Variants in UHMK1 observed in about 807,000 individuals in gnomAD.
UHMK1 encodes U2AF homology motif kinase 1.
UHMK1 carries 18 observed loss-of-function variants against 44.0 expected under a neutral mutation model. The observed-to-expected ratio is 0.41, with a 90% CI of 0.28 to 0.61. The LOEUF is 0.61. Ranked by LOEUF, UHMK1 falls within the 20% of genes least tolerant of loss-of-function variation. The probability of loss-of-function intolerance (pLI) is 0.31; values close to 1 mark genes in which losing one functional copy is unlikely to be tolerated. For missense variants in UHMK1, 463 were observed against 522.5 expected (o/e 0.89, Z 1.11); for synonymous variants, 231 against 198.5 (o/e 1.16, Z -1.38).
In UHMK1 at chr1:162,525,177, T is replaced by C. The variant is rs1245080959; in HGVS notation, c.*2627T>C. 6.6e-6 allele frequency: 1 copy of C among 152,202 alleles called. No homozygotes were observed. The highest frequency in any genetic ancestry group is 1.5e-5 in the Non-Finnish European group (1 of 68,034). 9.4% of individuals were successfully genotyped at this position (152,202 alleles called of 1,614,324 possible). ...ACATTAGCAGATTACCCCTCCCTCC[T>C]GTGATATTATCTTTCTTAAACCTGA... On this transcript the variant is annotated 3_prime_UTR_variant, in exon 8 of 8. Transcript: ENST00000489294.
upstream of UHMK1, chr1:162,497,281 G>T (rs1207010057): frequency 5.7e-6 from 4 of 702,704 alleles, no homozygotes; most frequent in African/African-American, 7.0e-5. Flanking sequence ...GGTCTGTGTT[G>T]ACCTTAACCG....
chr1:162,519,593 C>T (rs922213475), intron 7 of UHMK1, among the ~76,000 whole-genome samples: 5 of 152,040 alleles, frequency 3.3e-5, no homozygotes, highest in African/African-American at 7.2e-5. Flanking sequence ...CTGTTATCAC[C>T]GCATTTTCTT....
intron 4 of UHMK1, among the ~76,000 whole-genome samples, chr1:162,511,709 C>G (rs1019981451): frequency 6.6e-6 from 1 of 152,020 alleles, no homozygotes; most frequent in Admixed American, 6.6e-5. Flanking sequence ...TTGTTTTCTT[C>G]TAGTAGTTTT....
chr1:162,506,074 TAGTATC>T (rs1651457087), intron 4 of UHMK1, among the ~76,000 whole-genome samples: 1 of 152,234 alleles, frequency 6.6e-6, no homozygotes, highest in Non-Finnish European at 1.5e-5. Flanking sequence ...AAATAGCTGT[TAGTATC>T]TGATTGATAT....
At chr1:162,517,472 CAAAT>C (rs1165566364) in intron 6 of UHMK1, among the ~76,000 whole-genome samples, 5 of 151,810 alleles carry the variant, frequency 3.3e-5, no homozygotes, top group Non-Finnish European at 7.4e-5. Flanking sequence ...ACCATTAAAA[CAAAT>C]GAGAAAATTT....
chr1:162,519,071 C>T (rs959272916), intron 7 of UHMK1, among the ~76,000 whole-genome samples: 1 of 151,386 alleles, frequency 6.6e-6, no homozygotes, highest in South Asian at 2.1e-4. Flanking sequence ...AATCCTAGCA[C>T]TTTGGGAGGC....
chr1:162,510,599 A>T (rs1413731702), intron 4 of UHMK1, among the ~76,000 whole-genome samples: 1 of 150,402 alleles, frequency 6.6e-6, no homozygotes, highest in Non-Finnish European at 1.5e-5. Flanking sequence ...GTGTATATAT[A>T]TATCATATTT....
intron 4 of UHMK1, among the ~76,000 whole-genome samples, chr1:162,512,243 G>T (rs1427840542): frequency 6.6e-6 from 1 of 151,420 alleles, no homozygotes; most frequent in Admixed American, 6.6e-5. Flanking sequence ...CTGTTACAGA[G>T]TGTGGATCAC....
chr1:162,508,174 G>C (rs1318353462), intron 4 of UHMK1, among the ~76,000 whole-genome samples: 1 of 151,774 alleles, frequency 6.6e-6, no homozygotes, highest in Non-Finnish European at 1.5e-5. Flanking sequence ...GGAGTGCAGT[G>C]GCACAGTGCT....
chr1:162,507,069 G>A (rs79453712), intron 4 of UHMK1, among the ~76,000 whole-genome samples: 2,342 of 150,520 alleles, frequency 0.016, 20 homozygotes, highest in Non-Finnish European at 0.024. Context: ...TGTCCTCCTC[G>A]TCTACATACG....
intron 4 of UHMK1, among the ~76,000 whole-genome samples, chr1:162,512,218 C>T (rs1651692491): frequency 6.7e-6 from 1 of 150,366 alleles, no homozygotes; most frequent in South Asian, 2.1e-4. Flanking sequence ...AAATCTGTGT[C>T]TTTTTTGTCA....
intron 1 of UHMK1, 152 bp downstream of exon 1, chr1:162,498,420 A>C: frequency 1.0e-6 from 1 of 964,076 alleles, no homozygotes. Context: ...TTCCCCTTTC[A>C]CTTTATTACT....
At chr1:162,500,577 G>C in intron 2 of UHMK1, 1 of 396,280 alleles carries the variant, frequency 2.5e-6, no homozygotes. Context: ...TGTTGGGGCT[G>C]TATCTCGTGG....
intron 4 of UHMK1, 53 bp from the exon 5 acceptor site, chr1:162,512,447 G>A: frequency 7.0e-7 from 1 of 1,430,664 alleles, no homozygotes; most frequent in Non-Finnish European, 9.6e-7. Context: ...TTTAATGGTT[G>A]CATTTTCAAA....
In UHMK1 at chr1:162,512,568, T is replaced by C; in HGVS notation, c.917T>C (p.Ile306Thr). Residue 306 changes from isoleucine to threonine, a missense_variant, in exon 5 of 8, where the codon ATT becomes ACT. Ile to Thr is a moderately conservative substitution (Grantham distance 89). Transcript: ENST00000489294. ...GCATTGTGCAGCCCATTCTTTAGCATTCCTTTTGGTAAGTTGTGTATTCTT... is the reference window on the plus strand; with the variant it reads ...GCATTGTGCAGCCCATTCTTTAGCACTCCTTTTGGTAAGTTGTGTATTCTT... ...EMALCSPFFS[I>T]PFAPHIEDLV... 6.2e-7 allele frequency: 1 copy of C among 1,612,724 alleles called. No individual in the cohort carries two copies.
At position 162,522,446 on chromosome 1, in the gene UHMK1, C is replaced by T; in HGVS notation, c.1156C>T (p.Gln386Ter). ...AAATGCTGGTGATTCCAAAGCTGCG[C>T]AGAAATTACTGACTGGAAGGATGTT... is the stretch of plus-strand genomic sequence containing the variant. ...YANAGDSKAA[Q>*]KLLTGRMFDG... is the part of the protein sequence containing the mutation. Residue 386 changes from glutamine to a stop codon, truncating the protein, a stop_gained, in exon 8 of 8, where the codon CAG (glutamine) becomes TAG (stop). Transcript: ENST00000489294. LOFTEE classifies it high-confidence loss of function. 1.2e-6 allele frequency: 2 copies of T among 1,614,154 alleles called. No homozygotes were observed. Among genetic ancestry groups the T allele is most frequent in the Non-Finnish European group, 1.7e-6 (2 of 1,180,030 alleles).
intron 4 of UHMK1, among the ~76,000 whole-genome samples, chr1:162,505,665 G>A (rs545679828): frequency 1.3e-5 from 2 of 152,254 alleles, no homozygotes; most frequent in East Asian, 1.9e-4. Flanking sequence ...TGACCAAAAC[G>A]TCATTGTGCA....
intron 7 of UHMK1, among the ~76,000 whole-genome samples, chr1:162,518,696 A>AAG (rs1468090804): frequency 2.0e-5 from 3 of 148,464 alleles, no homozygotes; most frequent in Admixed American, 6.7e-5. Flanking sequence ...TCAAAAAAAA[A>AAG]AACTACTTTT....
chr1:162,513,949 T>C (rs1289314177), intron 6 of UHMK1, among the ~76,000 whole-genome samples: 1 of 152,170 alleles, frequency 6.6e-6, no homozygotes, highest in African/African-American at 2.4e-5. Context: ...ATTAAATAAT[T>C]TTAAATTGGA....
Sources: gnomAD v4.1 joint callset for allele counts (sites outside exome capture counted in the v4.1 genomes callset) on GRCh38, gnomAD v4.1.1 for gene constraint, MANE v1.5 for transcripts, NCBI Gene and HGNC (gene_info 2026-07-23, HGNC 2026-07-21) for gene names.